The following MTHFD2L variants were observed in gnomAD, a reference collection of about 807,000 sequenced individuals.
MTHFD2L encodes methylenetetrahydrofolate dehydrogenase (NADP+ dependent) 2 like.
A neutral mutation model predicts 34.9 loss-of-function variants in MTHFD2L; 29 were observed. The ratio of observed to expected loss-of-function variants is 0.83; its 90% CI spans 0.62 to 1.13. MTHFD2L has a LOEUF of 1.13. Ranked by LOEUF, MTHFD2L falls within the 50% of genes most tolerant of loss-of-function variation. The pLI, the probability that MTHFD2L is intolerant of heterozygous loss-of-function variation, is 0.00. For synonymous variants in MTHFD2L, 167 were observed against 155.7 expected (o/e 1.07, Z -0.54); for missense variants, 481 against 446.5 (o/e 1.08, Z -0.70).
At chr4:74,120,948 C>G (rs1198468770), upstream of MTHFD2L, among the ~76,000 whole-genome samples, 3 of 152,174 alleles carry the variant, frequency 2.0e-5, no homozygotes, top group African/African-American at 7.2e-5. Context: ...TCTTTCACTT[C>G]AGAGGAAAAT....
intron 6 of MTHFD2L, among the ~76,000 whole-genome samples, chr4:74,240,521 A>C (rs1489345201): frequency 6.6e-6 from 1 of 152,186 alleles, no homozygotes; most frequent in Middle Eastern, 3.2e-3. Context: ...AGATGCAATG[A>C]AATTATATTT....
At chr4:74,127,707 A>G (rs895545650) in intron 1 of MTHFD2L, among the ~76,000 whole-genome samples, 5 of 152,158 alleles carry the variant, frequency 3.3e-5, no homozygotes, top group African/African-American at 1.2e-4. Context: ...GCTGCAATAA[A>G]TATGGGATTG....
intron 6 of MTHFD2L, among the ~76,000 whole-genome samples, chr4:74,233,680 TTA>T (rs1303877527): frequency 6.6e-6 from 1 of 152,132 alleles, no homozygotes; most frequent in Non-Finnish European, 1.5e-5. Context: ...GTACAAACTT[TTA>T]TATGTTTCCT....
chr4:74,188,813 T>C (rs1455020566), intron 3 of MTHFD2L, among the ~76,000 whole-genome samples: 1 of 150,548 alleles, frequency 6.6e-6, no homozygotes, highest in Non-Finnish European at 1.5e-5. Context: ...TGTGTATACA[T>C]ATGTATATAT....
At chr4:74,291,929 G>A (rs953915285) in intron 7 of MTHFD2L, among the ~76,000 whole-genome samples, 4 of 152,246 alleles carry the variant, frequency 2.6e-5, no homozygotes, top group Middle Eastern at 6.8e-3. Flanking sequence ...TTTTGCATTA[G>A]ATAATTATAA....
chr4:74,228,552 A>G (rs1482682973), intron 6 of MTHFD2L, among the ~76,000 whole-genome samples: 1 of 152,204 alleles, frequency 6.6e-6, no homozygotes, highest in Non-Finnish European at 1.5e-5. Flanking sequence ...TTTTATTATT[A>G]TGACAAATGG....
chr4:74,129,872 A>G (rs1489276295), intron 1 of MTHFD2L, among the ~76,000 whole-genome samples: 1 of 152,190 alleles, frequency 6.6e-6, no homozygotes, highest in Non-Finnish European at 1.5e-5. Flanking sequence ...AAGAAGAATC[A>G]AATAGACACA....
intron 2 of MTHFD2L, among the ~76,000 whole-genome samples, chr4:74,117,911 C>T (rs896342689): frequency 6.6e-5 from 10 of 152,200 alleles, no homozygotes; most frequent in Non-Finnish European, 1.2e-4. Flanking sequence ...CTGTACTTAT[C>T]GATGATATAA....
chr4:74,169,725 A>G (rs1258198118), intron 1 of MTHFD2L, among the ~76,000 whole-genome samples: 1 of 152,196 alleles, frequency 6.6e-6, no homozygotes, highest in Non-Finnish European at 1.5e-5. Flanking sequence ...AATATAAAAG[A>G]TCCTTGTTAT....
At chr4:74,138,830 C>T (rs1019486584) in intron 1 of MTHFD2L, among the ~76,000 whole-genome samples, 12 of 152,214 alleles carry the variant, frequency 7.9e-5, no homozygotes, top group African/African-American at 2.9e-4. Flanking sequence ...GCTCCCTGCT[C>T]AAATGCCTGG....
intron 7 of MTHFD2L, among the ~76,000 whole-genome samples, chr4:74,283,220 C>G (rs1350119753): frequency 6.6e-6 from 1 of 152,186 alleles, no homozygotes; most frequent in East Asian, 1.9e-4. Context: ...TTACAAGACT[C>G]TTCTCTCATA....
chr4:74,255,605 A>C (rs1165760369), intron 6 of MTHFD2L, among the ~76,000 whole-genome samples: 2 of 152,188 alleles, frequency 1.3e-5, no homozygotes, highest in East Asian at 3.8e-4. Context: ...GCTAGTGAGC[A>C]TAGTACCAAT....
At chr4:74,246,219 T>C (rs1398818241) in intron 6 of MTHFD2L, among the ~76,000 whole-genome samples, 3 of 151,200 alleles carry the variant, frequency 2.0e-5, no homozygotes, top group African/African-American at 7.3e-5. Flanking sequence ...TGCATTTCTC[T>C]GATGGCCAGT....
chr4:74,233,923 T>C (rs1027922063), intron 6 of MTHFD2L, among the ~76,000 whole-genome samples: 1 of 151,908 alleles, frequency 6.6e-6, no homozygotes, highest in African/African-American at 2.4e-5. Context: ...CTTTTGAGGC[T>C]CTTCTCTCAA....
intron 7 of MTHFD2L, among the ~76,000 whole-genome samples, chr4:74,287,155 C>T (rs964858904): frequency 2.0e-5 from 3 of 152,108 alleles, no homozygotes; most frequent in Non-Finnish European, 4.4e-5. Flanking sequence ...AATGTCTACT[C>T]CTCTAGCGCA....
intron 7 of MTHFD2L, among the ~76,000 whole-genome samples, chr4:74,287,511 C>T (rs1398255607): frequency 1.3e-5 from 2 of 152,132 alleles, no homozygotes; most frequent in Non-Finnish European, 2.9e-5. Context: ...TGTTGGGAGA[C>T]CGAGGAGTGT....
chr4:74,283,759 G>A (rs879813686), intron 7 of MTHFD2L, among the ~76,000 whole-genome samples: 2 of 152,076 alleles, frequency 1.3e-5, no homozygotes, highest in Non-Finnish European at 2.9e-5. Flanking sequence ...GATTCATGGA[G>A]CAAGAGTACT....
chr4:74,267,321 TTCTC>T (rs746150326), intron 6 of MTHFD2L: 24 of 758,354 alleles, frequency 3.2e-5, no homozygotes, highest in Non-Finnish European at 3.4e-5. Context: ...TTCTTTCTCT[TTCTC>T]TCTTTCTTTC....
At chr4:74,139,080 G>A (rs951890804) in intron 1 of MTHFD2L, among the ~76,000 whole-genome samples, 1 of 152,142 alleles carries the variant, frequency 6.6e-6, no homozygotes, top group Non-Finnish European at 1.5e-5. Flanking sequence ...CTCTCAGCTT[G>A]TTTTGGTGTT....
Sources: gnomAD v4.1 joint callset for allele counts (sites outside exome capture counted in the v4.1 genomes callset) on GRCh38, gnomAD v4.1.1 for gene constraint, MANE v1.5 for transcripts, NCBI Gene and HGNC (gene_info 2026-07-23, HGNC 2026-07-21) for gene names.